Variants in ECE1 observed in about 807,000 individuals in gnomAD.
The protein encoded by ECE1 is endothelin converting enzyme 1, also known as endothelin-converting enzyme 1.
Under a neutral mutation model 98.6 loss-of-function variants are expected in ECE1, and 35 were observed. That is an observed-to-expected ratio of 0.35 (90% CI 0.27 to 0.47). The LOEUF (loss-of-function observed/expected upper bound fraction) is 0.47, where lower values mean the gene tolerates loss of function less well. Ranked by LOEUF, ECE1 falls within the 20% of genes least tolerant of loss-of-function variation. The pLI is 1.00. For missense variants in ECE1, 814 were observed against 1,025.3 expected (o/e 0.79, Z 2.81); for synonymous variants, 394 against 407.1 (o/e 0.97, Z 0.39).
intron 2 of ECE1, among the ~76,000 whole-genome samples, chr1:21,282,012 C>G (rs1486972604): frequency 2.0e-5 from 3 of 152,204 alleles, no homozygotes; most frequent in African/African-American, 7.2e-5. Context: ...ATCAGCCAGG[C>G]ATGGTGGCTC....
chr1:21,269,517 A>G (rs1451105823), intron 4 of ECE1, among the ~76,000 whole-genome samples: 6 of 152,186 alleles, frequency 3.9e-5, no homozygotes, highest in Non-Finnish European at 7.4e-5. Context: ...ATAGGTGATG[A>G]GCCGAGGACC....
At chr1:21,306,938 T>C (rs1040081135) in intron 1 of ECE1, among the ~76,000 whole-genome samples, 18 of 152,148 alleles carry the variant, frequency 1.2e-4, no homozygotes, top group African/African-American at 4.3e-4. Flanking sequence ...AGGGACACAG[T>C]CAGGACTAGA....
chr1:21,330,155 T>TTTTTA (rs1639169140), intron 1 of ECE1, among the ~76,000 whole-genome samples: 1 of 148,766 alleles, frequency 6.7e-6, no homozygotes, highest in Non-Finnish European at 1.5e-5. Context: ...TTTTTTTTTT[T>TTTTTA]TTGAGACAGA....
intron 14 of ECE1, among the ~76,000 whole-genome samples, chr1:21,231,493 C>T (rs2098181686): frequency 6.6e-6 from 1 of 152,036 alleles, no homozygotes; most frequent in Non-Finnish European, 1.5e-5. Flanking sequence ...AGGTGTCTAC[C>T]ACCATGCGTG....
chr1:21,306,221 A>G (rs1419698352), intron 1 of ECE1, among the ~76,000 whole-genome samples: 1 of 152,250 alleles, frequency 6.6e-6, no homozygotes, highest in Non-Finnish European at 1.5e-5. Context: ...TTGAATTGTA[A>G]TACAGGGAGA....
rs763305486 is a variant in ECE1 at position 21,258,726 on chromosome 1, G to A, written c.729C>T (p.Ala243=). 73 of 1,614,034 alleles carry A rather than the reference G, an allele frequency of 4.5e-5. No homozygotes were observed. The highest frequency in any genetic ancestry group is 1.5e-4 in the South Asian group (14 of 91,084). ...TSPFFSVYVS[A]DSKNSNSNVI... is the part of the protein sequence containing the mutation. ...CGTTGCTGTTGGAGTTCTTGGAATC[G>A]GCACTGACATAGACAGAGAAGAAGG... The change falls in exon 6 of 19, where the codon GCC becomes GCT. Residue 243 remains alanine (A), a synonymous_variant. Transcript: ENST00000374893. This position sits in a 1 kb window ranked among gnomAD's most constrained non-coding sequence, Gnocchi z 4.2.
rs1414054082 is a variant in ECE1, at chr1:21,240,693, G to A, written c.1279-2449C>T. Among the ~76,000 whole-genome samples the A allele has an allele frequency of 5.3e-5, 8 of 152,148 alleles. No individual in the cohort carries two copies. In the East Asian group the frequency reaches 1.2e-3, roughly 22 times the overall value. On this transcript the variant is annotated intron_variant, in intron 10 of 18. Coordinates refer to ENST00000374893, the MANE Select transcript of ECE1 (RefSeq NM_001397.3). ...TGCCCTCAGCCTTTCCCTCCCTCCC[G>A]CGCCTACCCTCCCTCGGCTGAGAAG...
intron 8 of ECE1, among the ~76,000 whole-genome samples, chr1:21,250,729 C>A (rs1354993240): frequency 1.3e-5 from 2 of 152,202 alleles, no homozygotes; most frequent in Admixed American, 6.5e-5. Flanking sequence ...ATGCTGAGGC[C>A]GGGCGCGGTG....
At chr1:21,254,392 T>G (rs1323788568) in intron 8 of ECE1, among the ~76,000 whole-genome samples, 1 of 152,032 alleles carries the variant, frequency 6.6e-6, no homozygotes, top group African/African-American at 2.4e-5. Context: ...GCCCAGGGCT[T>G]GTGTACTACA....
chr1:21,309,870 C>T lies in ECE1; in HGVS notation c.4-19714G>A, dbSNP rs562094786. ...GTAGTGGCGCGATCTCGGCTCACTG[C>T]AAGCTCCGCCTCCCGGGTTCACGCC... On this transcript the variant is annotated intron_variant, in intron 1 of 18. Transcript: ENST00000415912. 1.1e-4 allele frequency among the ~76,000 whole-genome samples: 17 copies of T among 150,324 alleles called. No individual in the cohort carries two copies. The South Asian group carries it at 3.6e-3, about 31-fold the overall frequency.
chr1:21,340,336 C>G lies in ECE1; in HGVS notation c.3+5040G>C, dbSNP rs533757382. On this transcript the variant is annotated intron_variant, in intron 1 of 18. Coordinates refer to the ECE1 transcript ENST00000415912. This position sits in a 1 kb window ranked among gnomAD's most constrained non-coding sequence, Gnocchi z 4.6. Reference sequence around the variant, plus strand: ...GGGCCACAGCCTCCTTCTGTCTTCACTGACTGCTCTGGGCAGCATGCCAGG... The same window carrying G: ...GGGCCACAGCCTCCTTCTGTCTTCAGTGACTGCTCTGGGCAGCATGCCAGG... Among the ~76,000 whole-genome samples the G allele has an allele frequency of 2.2e-4, 33 of 152,388 alleles. No homozygotes were observed. Among genetic ancestry groups the G allele is most frequent in the African/African-American group, 7.0e-4 (29 of 41,598 alleles).
intron 14 of ECE1, among the ~76,000 whole-genome samples, chr1:21,231,677 C>T (rs2098181905): frequency 6.6e-6 from 1 of 151,100 alleles, no homozygotes; most frequent in South Asian, 2.1e-4. Context: ...ATTTTAGAGA[C>T]AGGGTCTTGC....
At chr1:21,223,322 T>G (rs2098169836) in intron 17 of ECE1, among the ~76,000 whole-genome samples, 1 of 145,190 alleles carries the variant, frequency 6.9e-6, no homozygotes, top group Non-Finnish European at 1.5e-5. Context: ...AGAGTCTCGC[T>G]CTGTCACCCA....
intron 17 of ECE1, chr1:21,222,221 A>G (rs2098168396): frequency 3.2e-6 from 1 of 307,874 alleles, no homozygotes; most frequent in East Asian, 8.1e-5. Context: ...AGTCAATGGT[A>G]CCACCATCCA....
At chr1:21,317,773 T>A (rs994033939) in intron 1 of ECE1, among the ~76,000 whole-genome samples, 1 of 152,036 alleles carries the variant, frequency 6.6e-6, no homozygotes, top group Non-Finnish European at 1.5e-5. Context: ...TCCAAACAGA[T>A]CCTCTGGAGA....
chr1:21,269,131 G>A (rs1287394797), intron 4 of ECE1, among the ~76,000 whole-genome samples: 5 of 152,190 alleles, frequency 3.3e-5, no homozygotes, highest in Middle Eastern at 3.2e-3. Flanking sequence ...CAGCAGTGCC[G>A]ACCCAGGGCC....
intron 1 of ECE1, among the ~76,000 whole-genome samples, chr1:21,343,912 C>G (rs1639448312): frequency 6.6e-6 from 1 of 152,146 alleles, no homozygotes; most frequent in African/African-American, 2.4e-5. Flanking sequence ...GTCTCACGGC[C>G]TTTTGGTGCC....
At chr1:21,247,118 T>C in intron 9 of ECE1, 103 bp downstream of exon 9, 1 of 1,544,914 alleles carries the variant, frequency 6.5e-7, no homozygotes, top group Non-Finnish European at 8.9e-7. Flanking sequence ...CCCGCCCAGG[T>C]CCCACTCTCC....
rs994973936 is a variant in ECE1 at position 21,345,273 on chromosome 1, C to G, written c.3+103G>C. ...GGCTGCTGCTGCAGCCGGCGCCCAG[C>G]CCCCCGCGAGCCAGGGCGGCCCCGG... On this transcript the variant is annotated intron_variant, in intron 1 of 18. Transcript: ENST00000415912. The surrounding 1 kb of genome is among the most constrained non-coding windows in gnomAD (Gnocchi z 5.1). The G allele has an allele frequency of 1.6e-6, 2 of 1,214,568 alleles. No homozygotes were observed. The highest frequency in any genetic ancestry group is 4.4e-5 in the Admixed American group (1 of 22,702). The allele number at this position is 1,214,568 out of a possible 1,614,324, so 75.2% of individuals were successfully genotyped here. A position where few individuals can be genotyped will look rare whatever the true frequency, so the allele number is the denominator to read the frequency against.
Sources: gnomAD v4.1 joint callset for allele counts (sites outside exome capture counted in the v4.1 genomes callset) on GRCh38, gnomAD v4.1.1 for gene constraint, Gnocchi (gnomAD v3.1) non-coding constraint, MANE v1.5 for transcripts, NCBI Gene and HGNC (gene_info 2026-07-23, HGNC 2026-07-21) for gene names.